Variants in MSRA observed in about 807,000 individuals in gnomAD.
The protein encoded by MSRA is methionine sulfoxide reductase A.
In MSRA, 54 loss-of-function variants were observed where a neutral mutation model predicts 31.3. The ratio of observed to expected loss-of-function variants is 1.73; its 90% CI spans 1.39 to 2.17. MSRA has a LOEUF of 2.17. Ranked by LOEUF, MSRA falls within the 30% of genes most tolerant of loss-of-function variation. The pLI is 0.00. For missense variants in MSRA, 507 were observed against 300.9 expected (o/e 1.69, Z -5.07); for synonymous variants, 169 against 116.5 (o/e 1.45, Z -2.90).
intron 1 of MSRA, among the ~76,000 whole-genome samples, chr8:10,181,152 C>G (rs1331156588): frequency 6.6e-6 from 1 of 152,144 alleles, no homozygotes; most frequent in Non-Finnish European, 1.5e-5. Context: ...AGAACATAAC[C>G]TGTAAGCAGA....
At chr8:10,151,022 G>T (rs370768444) in intron 1 of MSRA, among the ~76,000 whole-genome samples, 4 of 152,042 alleles carry the variant, frequency 2.6e-5, no homozygotes, top group Non-Finnish European at 5.9e-5. Context: ...GCAGTGATGG[G>T]GGGGTGGGGA....
intron 3 of MSRA, among the ~76,000 whole-genome samples, chr8:10,251,868 G>C (rs905754690): frequency 7.9e-5 from 12 of 151,768 alleles, no homozygotes; most frequent in African/African-American, 2.9e-4. Context: ...TGGTGGGGGG[G>C]GGGGGACATA....
intron 2 of MSRA, among the ~76,000 whole-genome samples, chr8:10,230,332 G>C (rs535844165): frequency 6.6e-6 from 1 of 152,202 alleles, no homozygotes; most frequent in South Asian, 2.1e-4. Context: ...ACCGGAAATG[G>C]CACTGGGTGG....
intron 5 of MSRA, among the ~76,000 whole-genome samples, chr8:10,322,612 C>T (rs1266294676): frequency 6.6e-6 from 1 of 152,130 alleles, no homozygotes; most frequent in African/African-American, 2.4e-5. Flanking sequence ...GAGCCATGGG[C>T]TGTTTCTGCC....
At chr8:10,196,138 C>T (rs755794091) in intron 1 of MSRA, among the ~76,000 whole-genome samples, 26 of 152,192 alleles carry the variant, frequency 1.7e-4, no homozygotes, top group Admixed American at 2.6e-4. Context: ...TCCAGGCATA[C>T]GATGTGCCTT....
At chr8:10,224,233 T>C (rs1810789013) in intron 2 of MSRA, among the ~76,000 whole-genome samples, 1 of 152,106 alleles carries the variant, frequency 6.6e-6, no homozygotes, top group African/African-American at 2.4e-5. Context: ...ATAAACCAGA[T>C]TAAGAAAATT....
At chr8:10,076,459 A>G (rs974547742) in intron 1 of MSRA, among the ~76,000 whole-genome samples, 21 of 152,332 alleles carry the variant, frequency 1.4e-4, no homozygotes, top group African/African-American at 5.1e-4. Context: ...TGAAGCAGGA[A>G]GGTTGATTAT....
At chr8:10,209,902 A>G (rs959378574) in intron 2 of MSRA, among the ~76,000 whole-genome samples, 1 of 152,222 alleles carries the variant, frequency 6.6e-6, no homozygotes, top group African/African-American at 2.4e-5. Context: ...ATAAAGTAGA[A>G]TATGTTTGAC....
At chr8:10,098,794 G>A (rs1430070619) in intron 1 of MSRA, among the ~76,000 whole-genome samples, 9 of 152,326 alleles carry the variant, frequency 5.9e-5, no homozygotes, top group African/African-American at 1.9e-4. Flanking sequence ...TGTAAAATAA[G>A]CAATTCAAAT....
chr8:10,303,442 T>C (rs1800955553), intron 4 of MSRA, among the ~76,000 whole-genome samples: 1 of 152,232 alleles, frequency 6.6e-6, no homozygotes, highest in African/African-American at 2.4e-5. Context: ...TGGCCTTCTA[T>C]GGGCTCTGTG....
intron 5 of MSRA, among the ~76,000 whole-genome samples, chr8:10,359,982 C>T (rs1804749100): frequency 1.3e-5 from 2 of 152,186 alleles, no homozygotes; most frequent in Non-Finnish European, 1.5e-5. Flanking sequence ...GGCCAACCTC[C>T]TTCCTTTATC....
intron 5 of MSRA, among the ~76,000 whole-genome samples, chr8:10,371,855 T>C (rs943644305): frequency 2.0e-5 from 3 of 152,212 alleles, no homozygotes; most frequent in Admixed American, 1.3e-4. Flanking sequence ...CATGGTTGAC[T>C]TGGCAACACT....
intron 3 of MSRA, 42 bp from the exon 4 acceptor site, chr8:10,301,492 T>G: frequency 6.8e-7 from 1 of 1,470,930 alleles, no homozygotes; most frequent in Non-Finnish European, 9.5e-7. Context: ...AATAAATGGA[T>G]GTTGTCAGTA....
At chr8:10,386,710 T>G (rs1476356362) in intron 5 of MSRA, among the ~76,000 whole-genome samples, 2 of 152,050 alleles carry the variant, frequency 1.3e-5, no homozygotes, top group Non-Finnish European at 2.9e-5. Flanking sequence ...GGATCACACT[T>G]TGAAAACCAC....
At chr8:10,100,260 T>C (rs1252283318) in intron 1 of MSRA, among the ~76,000 whole-genome samples, 1 of 151,608 alleles carries the variant, frequency 6.6e-6, no homozygotes, top group Non-Finnish European at 1.5e-5. Flanking sequence ...TCCTGGGAGG[T>C]TTTGAGGCCC....
At position 10,307,351 on chromosome 8, in the gene MSRA, A is replaced by C. The variant is rs556634223; in HGVS notation, c.436+5713A>C. ...CCAACTTATTTTTTGTATTTTTGGT[A>C]GAGATGGATTTCGCCATGTTGCTCA... is the stretch of plus-strand genomic sequence containing the variant. On this transcript the variant is annotated intron_variant, in intron 4 of 5. Coordinates refer to ENST00000317173, the MANE Select transcript of MSRA (RefSeq NM_012331.5). Among the ~76,000 whole-genome samples the C allele has an allele frequency of 5.9e-5, 9 of 152,102 alleles. No homozygotes were observed. The South Asian group carries it at 1.9e-3, about 32-fold the overall frequency.
At chr8:10,399,300 A>G (rs565760454) in intron 5 of MSRA, among the ~76,000 whole-genome samples, 1 of 152,306 alleles carries the variant, frequency 6.6e-6, no homozygotes, top group South Asian at 2.1e-4. Context: ...TCCATAGGTG[A>G]TATGGTTTGG....
Position 10,073,182 on chromosome 8 carries a change from T to C in MSRA, c.142+18524T>C, listed in dbSNP as rs192330793. The stretch of plus-strand genomic sequence containing the variant: ...AAGTATTGAGAGCAGACATGCTTAC[T>C]TTGTATCTATCTTAGGGGAAAAGCA... On this transcript the variant is annotated intron_variant, in intron 1 of 5. Coordinates refer to ENST00000317173, the MANE Select transcript of MSRA (RefSeq NM_012331.5). Among the ~76,000 whole-genome samples the C allele has an allele frequency of 4.6e-5, 7 of 152,316 alleles. No individual in the cohort carries two copies. In the Middle Eastern group the frequency reaches 0.01, roughly 222 times the overall value.
At position 10,325,038 on chromosome 8, in the gene MSRA, A is replaced by C. The variant is rs534644106; in HGVS notation, c.543+5049A>C. Among the ~76,000 whole-genome samples, 132 of 152,270 alleles carry C rather than the reference A, an allele frequency of 8.7e-4. 1 individual carries two copies. The highest frequency in any genetic ancestry group is 3.0e-3 in the African/African-American group (123 of 41,552). ...ACAAAGTGAATGGGGGCCCTTGCAG[A>C]ACTGGGTACTGTGGCTGGCCTAGCA... On this transcript the variant is annotated intron_variant, in intron 5 of 5. Coordinates refer to ENST00000317173, the MANE Select transcript of MSRA (RefSeq NM_012331.5).
Sources: gnomAD v4.1 joint callset for allele counts (sites outside exome capture counted in the v4.1 genomes callset) on GRCh38, gnomAD v4.1.1 for gene constraint, MANE v1.5 for transcripts, NCBI Gene and HGNC (gene_info 2026-07-23, HGNC 2026-07-21) for gene names.